PVT1: variants seen among roughly 807,000 people sequenced by gnomAD.
PVT1 encodes Pvt1 oncogene.
At chr8:127,874,009 G>A (rs1232487178) in intron 2 of PVT1, among the ~76,000 whole-genome samples, 1 of 152,216 alleles carries the variant, frequency 6.6e-6, no homozygotes, top group Non-Finnish European at 1.5e-5. Context: ...AGAATTTAAG[G>A]CTGTGTAGTC....
intron 6 of PVT1, among the ~76,000 whole-genome samples, chr8:128,097,387 AGCCTTTG>A (rs1472777153): frequency 6.6e-6 from 1 of 152,100 alleles, no homozygotes. Flanking sequence ...ACAAAAACTA[AGCCTTTG>A]GGCTAAATCT....
intron 3 of PVT1, among the ~76,000 whole-genome samples, chr8:127,897,799 C>T (rs1457836470): frequency 3.9e-5 from 5 of 127,394 alleles, no homozygotes; most frequent in Middle Eastern, 6.9e-3. Flanking sequence ...TTTGTACCTG[C>T]GTGAAGAGAG....
chr8:128,076,497 T>A (rs894116215), intron 5 of PVT1, among the ~76,000 whole-genome samples: 1 of 152,190 alleles, frequency 6.6e-6, no homozygotes, highest in Admixed American at 6.5e-5. Flanking sequence ...ATATATATTT[T>A]TTTCTTTTGC....
intron 2 of PVT1, among the ~76,000 whole-genome samples, chr8:127,826,155 A>G (rs1041032186): frequency 7.3e-5 from 11 of 151,354 alleles, no homozygotes; most frequent in African/African-American, 2.7e-4. Context: ...CTACCGCTAC[A>G]CCCAGCCTAT....
chr8:128,071,191 A>C (rs1326872993), intron 5 of PVT1, among the ~76,000 whole-genome samples: 1 of 152,168 alleles, frequency 6.6e-6, no homozygotes, highest in Non-Finnish European at 1.5e-5. Flanking sequence ...GTTCTGCGTG[A>C]CAGAAATCAA....
intron 4 of PVT1, chr8:128,010,157 T>C (rs1817296342): frequency 6.6e-6 from 1 of 152,224 alleles, no homozygotes; most frequent in Non-Finnish European, 1.5e-5. Context: ...AGATTCTCCA[T>C]GGCAGTAGCT....
intron 3 of PVT1, among the ~76,000 whole-genome samples, chr8:127,935,497 C>A (rs1453293063): frequency 2.0e-5 from 3 of 151,894 alleles, no homozygotes; most frequent in East Asian, 1.9e-4. Context: ...TTGTTATGAT[C>A]CCCTGTTGTA....
chr8:127,929,548 C>T (rs1042760225), intron 3 of PVT1, among the ~76,000 whole-genome samples: 13 of 152,102 alleles, frequency 8.5e-5, no homozygotes, highest in Non-Finnish European at 1.8e-4. Context: ...AGGCGGATCA[C>T]GAGGTCAGGA....
chr8:128,084,743 C>G (rs1030203142), intron 5 of PVT1, among the ~76,000 whole-genome samples: 4 of 152,144 alleles, frequency 2.6e-5, no homozygotes, highest in African/African-American at 9.7e-5. Context: ...GAAACCACTT[C>G]CCAGAAAGCT....
chr8:127,838,143 C>T (rs1190615314), intron 2 of PVT1, among the ~76,000 whole-genome samples: 1 of 152,012 alleles, frequency 6.6e-6, no homozygotes, highest in African/African-American at 2.4e-5. Context: ...GTGATCCACC[C>T]ACCTCGGCCT....
At chr8:127,973,793 C>T (rs936964272) in intron 3 of PVT1, among the ~76,000 whole-genome samples, 1 of 151,356 alleles carries the variant, frequency 6.6e-6, no homozygotes, top group Admixed American at 6.6e-5. Context: ...TCCTGGCTAA[C>T]ATGGTGAAAC....
At chr8:127,983,693 C>T (rs993243147) in intron 3 of PVT1, among the ~76,000 whole-genome samples, 10 of 152,014 alleles carry the variant, frequency 6.6e-5, no homozygotes, top group African/African-American at 1.2e-4. Context: ...TTTTACATAA[C>T]GACTGTATAA....
intron 2 of PVT1, among the ~76,000 whole-genome samples, chr8:127,815,820 A>C (rs79253462): frequency 2.4e-3 from 372 of 152,296 alleles, no homozygotes; most frequent in African/African-American, 8.6e-3. Flanking sequence ...TACACTATTA[A>C]TACCTACAAA....
At chr8:127,805,549 G>A (rs945929527) in intron 2 of PVT1, among the ~76,000 whole-genome samples, 1 of 152,168 alleles carries the variant, frequency 6.6e-6, no homozygotes, top group Non-Finnish European at 1.5e-5. Context: ...TGTATGTACA[G>A]TGTTATATGC....
chr8:127,862,918 C>G (rs1010581622), intron 2 of PVT1, among the ~76,000 whole-genome samples: 4 of 151,918 alleles, frequency 2.6e-5, no homozygotes, highest in African/African-American at 9.7e-5. Flanking sequence ...AACCGGGGTG[C>G]CCCACAGTAA....
Position 127,970,289 on chromosome 8 carries a change from GTTTTTTTTTTTTT to G in PVT1, n.783-18859_783-18847del, listed in dbSNP as rs68010926. On this transcript the variant is annotated intron_variant and non_coding_transcript_variant, in intron 3 of 10. Transcript: ENST00000651587. ...CATTCCTCTCCATCTGCCATGATTT[GTTTTTTTTTTTTT>G]TTTTTTTTTTTTTGAGATAGAGTCT... Among the ~76,000 whole-genome samples, 35 of 49,122 alleles carry G rather than the reference GTTTTTTTTTTTTT, an allele frequency of 7.1e-4. 3 individuals carry two copies. Among genetic ancestry groups the G allele is most frequent in the African/African-American group, 2.8e-3 (33 of 11,798 alleles). 32.2% of individuals were successfully genotyped at this position (49,122 alleles called of 152,430 possible).
At chr8:128,005,201 A>T (rs1420866714) in intron 4 of PVT1, among the ~76,000 whole-genome samples, 1 of 152,130 alleles carries the variant, frequency 6.6e-6, no homozygotes, top group East Asian at 1.9e-4. Context: ...TTGACTGGGA[A>T]ACCTCACTAC....
At chr8:127,970,756 C>T (rs1816757215) in intron 3 of PVT1, among the ~76,000 whole-genome samples, 2 of 152,050 alleles carry the variant, frequency 1.3e-5, no homozygotes, top group Non-Finnish European at 2.9e-5. Flanking sequence ...AAAACAAAAA[C>T]TAAAGACCAC....
chr8:128,059,024 G>T (rs1341664131), intron 4 of PVT1, among the ~76,000 whole-genome samples: 2 of 151,996 alleles, frequency 1.3e-5, no homozygotes, highest in African/African-American at 4.8e-5. Flanking sequence ...CATCTCAGAT[G>T]AATTAAATCA....
Sources: gnomAD v4.1 joint callset for allele counts (sites outside exome capture counted in the v4.1 genomes callset) on GRCh38, gnomAD v4.1.1 for gene constraint, MANE v1.5 for transcripts, NCBI Gene and HGNC (gene_info 2026-07-23, HGNC 2026-07-21) for gene names.